Variants in MYO5B observed in about 807,000 individuals in gnomAD.
The protein encoded by MYO5B is myosin VB.
MYO5B carries 143 observed loss-of-function variants against 229.3 expected under a neutral mutation model. The observed-to-expected ratio is 0.62, with a 90% CI of 0.54 to 0.72. MYO5B has a LOEUF of 0.72. Ranked by LOEUF, MYO5B falls within the 30% of genes least tolerant of loss-of-function variation. MYO5B has a pLI of 0.00. For missense variants in MYO5B, 2,321 were observed against 2,331.0 expected (o/e 1.00, Z 0.09); for synonymous variants, 918 against 885.2 (o/e 1.04, Z -0.66).
At chr18:50,180,639 C>T (rs1250968743) in intron 1 of MYO5B, among the ~76,000 whole-genome samples, 3 of 152,180 alleles carry the variant, frequency 2.0e-5, no homozygotes, top group East Asian at 1.9e-4. Context: ...TCGCAACCAC[C>T]CGTCTCCAAA....
chr18:49,986,274 C>A (rs536871618), intron 7 of MYO5B, among the ~76,000 whole-genome samples: 2 of 152,336 alleles, frequency 1.3e-5, no homozygotes, highest in Admixed American at 6.5e-5. Flanking sequence ...CACCTCCCCC[C>A]ATTTCCCACC....
At chr18:50,092,439 C>CT (rs1197424843) in intron 1 of MYO5B, among the ~76,000 whole-genome samples, 1 of 152,148 alleles carries the variant, frequency 6.6e-6, no homozygotes, top group Admixed American at 6.5e-5. Flanking sequence ...AGCCATCCTG[C>CT]TGCTGCTGCT....
intron 17 of MYO5B, among the ~76,000 whole-genome samples, chr18:49,927,657 T>C (rs2025144379): frequency 6.6e-6 from 1 of 152,142 alleles, no homozygotes; most frequent in African/African-American, 2.4e-5. Flanking sequence ...GGACACTCTA[T>C]TCGATAAATG....
intron 31 of MYO5B, chr18:49,850,377 A>T (rs2144054925): frequency 6.5e-6 from 1 of 153,706 alleles, no homozygotes; most frequent in Middle Eastern, 3.4e-3. Context: ...AGCCTCTACA[A>T]ACACATTGGG....
At chr18:50,080,183 G>C (rs183542553) in intron 1 of MYO5B, among the ~76,000 whole-genome samples, 3 of 152,258 alleles carry the variant, frequency 2.0e-5, no homozygotes, top group Admixed American at 2.0e-4. Context: ...AGACACGAGA[G>C]AAGGAACTAT....
At chr18:50,180,363 T>C (rs1236172634) in intron 1 of MYO5B, among the ~76,000 whole-genome samples, 1 of 152,186 alleles carries the variant, frequency 6.6e-6, no homozygotes, top group Non-Finnish European at 1.5e-5. Context: ...AGGGGTGTCC[T>C]AGACTCTTGC....
chr18:49,855,227 G>A (rs1023116686), intron 30 of MYO5B, among the ~76,000 whole-genome samples: 29 of 152,202 alleles, frequency 1.9e-4, no homozygotes, highest in Admixed American at 7.2e-4. Flanking sequence ...CACGTTCACT[G>A]TTCATGTCTT....
chr18:50,102,060 C>A (rs1017030642), intron 1 of MYO5B, among the ~76,000 whole-genome samples: 2 of 152,118 alleles, frequency 1.3e-5, no homozygotes, highest in Non-Finnish European at 2.9e-5. Flanking sequence ...CCATAAAAAG[C>A]AATGAGATCA....
chr18:50,055,235 A>AGGG, intron 2 of MYO5B, 33 bp downstream of exon 2: 3 of 353,292 alleles, frequency 8.5e-6, no homozygotes, highest in Non-Finnish European at 1.1e-5. Flanking sequence ...GCCCCACCTC[A>AGGG]CCCCCGCCCC....
chr18:49,977,922 G>T (rs1357166230), intron 9 of MYO5B, among the ~76,000 whole-genome samples: 1 of 152,186 alleles, frequency 6.6e-6, no homozygotes, highest in South Asian at 2.1e-4. Context: ...AAACAGAGAG[G>T]TTAGCACACT....
At chr18:49,970,641 A>C (rs2144274115) in intron 10 of MYO5B, among the ~76,000 whole-genome samples, 1 of 152,296 alleles carries the variant, frequency 6.6e-6, no homozygotes, top group South Asian at 2.1e-4. Context: ...ATTTATAGGA[A>C]AAAGTGGAGT....
At chr18:50,025,891 T>C (rs796112280) in intron 4 of MYO5B, among the ~76,000 whole-genome samples, 4 of 152,206 alleles carry the variant, frequency 2.6e-5, no homozygotes, top group Non-Finnish European at 5.9e-5. Context: ...ACTTTTGACA[T>C]GCATCCCTAT....
At chr18:50,048,939 T>C (rs1172972236) in intron 2 of MYO5B, among the ~76,000 whole-genome samples, 3 of 151,552 alleles carry the variant, frequency 2.0e-5, no homozygotes, top group African/African-American at 4.9e-5. Context: ...CAAGAATTAC[T>C]TGAACCGGGG....
chr18:49,885,384 C>T (rs949246627), intron 22 of MYO5B, among the ~76,000 whole-genome samples: 1 of 152,116 alleles, frequency 6.6e-6, no homozygotes, highest in African/African-American at 2.4e-5. Flanking sequence ...GAGATGACCA[C>T]GTGGAGCAGA....
At position 50,193,447 on chromosome 18, in the gene MYO5B, G is replaced by C. The variant is rs531811164; in HGVS notation, c.27+1320C>G. On this transcript the variant is annotated intron_variant, in intron 1 of 39. Coordinates refer to ENST00000285039, the MANE Select transcript of MYO5B (RefSeq NM_001080467.3). ...ATCCCGGCCCTGCTCCCCTCCAGGA[G>C]GAATGGGAGAGTTGAATAATTCCTC... Among the ~76,000 whole-genome samples, 4 of 152,268 alleles carry C rather than the reference G, an allele frequency of 2.6e-5. No individual in the cohort carries two copies. The East Asian group carries it at 7.7e-4, about 29-fold the overall frequency.
intron 7 of MYO5B, 75 bp downstream of exon 7, chr18:49,990,364 G>T: frequency 7.8e-7 from 1 of 1,285,466 alleles, no homozygotes; most frequent in Non-Finnish European, 1.1e-6. Context: ...GGAGGGCTTT[G>T]AGCAGAGCCC....
chr18:50,058,960 T>C (rs945470012), intron 1 of MYO5B, among the ~76,000 whole-genome samples: 3 of 152,170 alleles, frequency 2.0e-5, no homozygotes, highest in Non-Finnish European at 4.4e-5. Flanking sequence ...CAGCACCATC[T>C]CCTCACTGAT....
chr18:50,072,581 A>G (rs1267963818), intron 1 of MYO5B, among the ~76,000 whole-genome samples: 1 of 152,200 alleles, frequency 6.6e-6, no homozygotes, highest in Non-Finnish European at 1.5e-5. Flanking sequence ...GCATCAAAAG[A>G]GAATAATTCC....
At chr18:49,870,421 T>C (rs780218996) in intron 27 of MYO5B, among the ~76,000 whole-genome samples, 8 of 152,144 alleles carry the variant, frequency 5.3e-5, no homozygotes, top group Non-Finnish European at 1.0e-4. Context: ...CAGGCAACAA[T>C]ATAGACAAAT....
Sources: gnomAD v4.1 joint callset for allele counts (sites outside exome capture counted in the v4.1 genomes callset) on GRCh38, gnomAD v4.1.1 for gene constraint, MANE v1.5 for transcripts, NCBI Gene and HGNC (gene_info 2026-07-23, HGNC 2026-07-21) for gene names.